Variants in BLOC1S2 observed in about 807,000 individuals in gnomAD.
BLOC1S2 encodes biogenesis of lysosomal organelles complex 1 subunit 2.
Under a neutral mutation model 19.6 loss-of-function variants are expected in BLOC1S2, and 12 were observed. The observed-to-expected ratio is 0.61, with a 90% CI of 0.39 to 0.99. The LOEUF is 0.99. BLOC1S2 is among the 50% of genes least tolerant of loss of function. The pLI, the probability that BLOC1S2 is intolerant of heterozygous loss-of-function variation, is 0.00. For missense variants in BLOC1S2, 142 were observed against 171.0 expected, an observed-to-expected ratio of 0.83 and a Z score of 0.95; for synonymous variants, 66 against 64.1, an observed-to-expected ratio of 1.03 and a Z score of -0.14.
chr10:100,277,593 G>T (rs970983216), intron 4 of BLOC1S2, among the ~76,000 whole-genome samples: 2 of 123,190 alleles, frequency 1.6e-5, no homozygotes, highest in Non-Finnish European at 3.5e-5. Context: ...CGCTCCGTCC[G>T]GGAGGGAGGT....
At chr10:100,283,983 A>G (rs1449685791) in intron 2 of BLOC1S2, among the ~76,000 whole-genome samples, 1 of 152,232 alleles carries the variant, frequency 6.6e-6, no homozygotes, top group Non-Finnish European at 1.5e-5. Context: ...ATGCATAAGA[A>G]AATTATTCAC....
At chr10:100,278,729 T>C (rs1848016728) in intron 4 of BLOC1S2, among the ~76,000 whole-genome samples, 1 of 152,258 alleles carries the variant, frequency 6.6e-6, no homozygotes, top group Admixed American at 6.5e-5. Flanking sequence ...GTTCACTTGT[T>C]TGTCTGCTGA....
Position 100,273,991 on chromosome 10 carries a change from A to G in BLOC1S2, c.*1471T>C, listed in dbSNP as rs76969433. 1,929 of 152,268 alleles carry G rather than the reference A, an allele frequency of 0.013. 42 individuals carry two copies. The highest frequency in any genetic ancestry group is 0.044 in the African/African-American group (1,837 of 41,540). The allele number at this position is 152,268 out of a possible 1,614,324, so 9.4% of individuals were successfully genotyped here. A position where few individuals can be genotyped will look rare whatever the true frequency, so the allele number is the denominator to read the frequency against. On this transcript the variant is annotated 3_prime_UTR_variant, in exon 5 of 5. Coordinates refer to ENST00000370372, the MANE Select transcript of BLOC1S2 (RefSeq NM_173809.5). The stretch of plus-strand genomic sequence containing the variant: ...TTTAAATAGGGGCCTTATGTTAGGC[A>G]CGGTGGTTCATGCCTACAATCTCAG...
chr10:100,282,486 G>C (rs116487039), intron 2 of BLOC1S2, among the ~76,000 whole-genome samples: 300 of 152,170 alleles, frequency 2.0e-3, no homozygotes, highest in African/African-American at 7.0e-3. Context: ...CCTTCTCTTT[G>C]GGAAATGCTC....
chr10:100,278,063 GC>G (rs1847978107), intron 4 of BLOC1S2, among the ~76,000 whole-genome samples: 1 of 135,972 alleles, frequency 7.4e-6, no homozygotes, highest in Non-Finnish European at 1.6e-5. Flanking sequence ...GAGGTGGGGG[GC>G]TCAGCCCCCC....
chr10:100,278,045 CCGGGAGGGAGG>C (rs1847976721), intron 4 of BLOC1S2, among the ~76,000 whole-genome samples: 1 of 143,496 alleles, frequency 7.0e-6, no homozygotes, highest in Non-Finnish European at 1.5e-5. Context: ...GCCGCCCCGT[CCGGGAGGGAGG>C]TGGGGGGCTC....
Position 100,280,961 on chromosome 10 carries a change from T to G in BLOC1S2, c.265A>C (p.Arg89=), listed in dbSNP as rs1426175572. ...TTCTGGTTTAAGTCCTTTAAGTTCC[T>G]ACTAATGTTTATAGCAATATCTTTC... ...EMKDIAINIS[R]NLKDLNQKYA... The change falls in exon 3 of 5, where the codon AGG becomes CGG. Residue 89 remains arginine (R), a synonymous_variant. Coordinates refer to ENST00000370372, the MANE Select transcript of BLOC1S2 (RefSeq NM_173809.5). The G allele has an allele frequency of 6.2e-7, 1 of 1,612,720 alleles. No homozygotes were observed.
intron 4 of BLOC1S2, among the ~76,000 whole-genome samples, chr10:100,277,721 C>T (rs1224506232): frequency 1.4e-5 from 2 of 139,052 alleles, no homozygotes; most frequent in Non-Finnish European, 3.2e-5. Context: ...GCTCAGCCCC[C>T]CGCCCGGCCA....
intron 2 of BLOC1S2, among the ~76,000 whole-genome samples, chr10:100,283,215 A>G (rs1301997991): frequency 6.6e-6 from 1 of 152,120 alleles, no homozygotes; most frequent in East Asian, 1.9e-4. Context: ...TATAAAGTCC[A>G]CTTCTGTAAT....
intron 2 of BLOC1S2, among the ~76,000 whole-genome samples, chr10:100,284,298 G>A (rs1206748329): frequency 6.6e-6 from 1 of 152,230 alleles, no homozygotes; most frequent in African/African-American, 2.4e-5. Flanking sequence ...CTTTGGAATT[G>A]TTAAAGAGAA....
rs777897324 is a variant in BLOC1S2, at chr10:100,286,142, C to A, written c.127G>T (p.Asp43Tyr). Reference protein sequence around the residue: ...AEADITELCRDMFSKMATYLT... With the variant: ...AEADITELCRYMFSKMATYLT... The stretch of plus-strand genomic sequence containing the variant: ...TAAGTGGCCATTTTGGAGAACATGT[C>A]CCGGCAGAGCTCAGTGATGTCAGCT... Residue 43 changes from aspartate (D) to tyrosine (Y), a missense_variant, in exon 2 of 5, where the codon GAC becomes TAC. Transcript: ENST00000370372. 3 of 1,614,018 alleles carry A rather than the reference C, an allele frequency of 1.9e-6. No individual in the cohort carries two copies. Among genetic ancestry groups the A allele is most frequent in the Admixed American group, 1.7e-5 (1 of 59,992 alleles).
intron 3 of BLOC1S2, 30 bp downstream of exon 3, chr10:100,280,904 A>G: frequency 6.3e-7 from 1 of 1,591,056 alleles, no homozygotes; most frequent in Non-Finnish European, 8.6e-7. Flanking sequence ...TTAAATACAA[A>G]CATGTTTAAT....
At chr10:100,285,778 G>C (rs1220287771) in intron 2 of BLOC1S2, among the ~76,000 whole-genome samples, 1 of 152,036 alleles carries the variant, frequency 6.6e-6, no homozygotes, top group African/African-American at 2.4e-5. Flanking sequence ...CACCTCATTC[G>C]CTAGTTGTAT....
chr10:100,279,767 C>G (rs1025992664), intron 4 of BLOC1S2, among the ~76,000 whole-genome samples: 1 of 151,928 alleles, frequency 6.6e-6, no homozygotes, highest in African/African-American at 2.4e-5. Context: ...CCCAGCTACT[C>G]GGGGGGCTGA....
Position 100,286,665 on chromosome 10 carries a change from AC to A in BLOC1S2, c.-7del. ...CCCTCGGCTGCCGCCGCCATAGCGGACCCCGCGCTGTTTCCGGGCCGGGGTG... is the reference window on the plus strand; with the variant it reads ...CCCTCGGCTGCCGCCGCCATAGCGGACCCGCGCTGTTTCCGGGCCGGGGTG... On this transcript the variant is annotated 5_prime_UTR_variant, in exon 1 of 5. Transcript: ENST00000370372. 1 of 1,609,558 alleles carries A rather than the reference AC, an allele frequency of 6.2e-7. No homozygotes were observed. Among genetic ancestry groups the A allele is most frequent in the Non-Finnish European group, 8.5e-7 (1 of 1,177,914 alleles).
intron 4 of BLOC1S2, among the ~76,000 whole-genome samples, chr10:100,277,838 A>G (rs1301777352): frequency 6.1e-3 from 350 of 57,588 alleles, no homozygotes; most frequent in African/African-American, 0.015. Flanking sequence ...GAGGTGGGGG[A>G]GTCAGCCCCC....
At chr10:100,278,922 A>T (rs897286404) in intron 4 of BLOC1S2, among the ~76,000 whole-genome samples, 6 of 151,998 alleles carry the variant, frequency 3.9e-5, no homozygotes, top group Non-Finnish European at 8.8e-5. Context: ...CTTGTTTCAA[A>T]AACAATTTTT....
rs1371878603 is a variant in BLOC1S2, at chr10:100,286,176, C to T, written c.93G>A (p.Glu31=). 2 of 1,614,012 alleles carry T rather than the reference C, an allele frequency of 1.2e-6. No homozygotes were observed. Among genetic ancestry groups the T allele is most frequent in the Non-Finnish European group, 1.7e-6 (2 of 1,180,012 alleles). Residue 31 remains glutamate, a synonymous_variant, in exon 2 of 5, where the codon GAG becomes GAA. Transcript: ENST00000370372. Reference sequence around the variant, plus strand: ...GCTCAGTGATGTCAGCTTCAGCAGGCTCCTTTGCTTCCTCAGCTGTCTCCA... The same window carrying T: ...GCTCAGTGATGTCAGCTTCAGCAGGTTCCTTTGCTTCCTCAGCTGTCTCCA... ...AAVETAEEAK[E]PAEADITELC...
intron 2 of BLOC1S2, among the ~76,000 whole-genome samples, chr10:100,282,021 C>G (rs1848122337): frequency 6.6e-6 from 1 of 152,092 alleles, no homozygotes; most frequent in Non-Finnish European, 1.5e-5. Flanking sequence ...AATATCTTCC[C>G]AAGAGGCAGA....
Sources: allele counts gnomAD v4.1 joint callset (sites outside exome capture counted in the v4.1 genomes callset), GRCh38; gene constraint gnomAD v4.1.1; transcripts MANE v1.5; gene names NCBI Gene and HGNC (gene_info 2026-07-23, HGNC 2026-07-21).